SNX24: variants seen among roughly 807,000 people sequenced by gnomAD.
SNX24 encodes sorting nexin 24.
Under a neutral mutation model 28.7 loss-of-function variants are expected in SNX24, and 22 were observed. The ratio of observed to expected loss-of-function variants is 0.77; its 90% CI spans 0.55 to 1.10. The LOEUF (loss-of-function observed/expected upper bound fraction) is 1.10. SNX24 is among the 50% of genes least tolerant of loss of function. SNX24 has a pLI of 0.00. For synonymous variants in SNX24, 69 were observed against 71.5 expected, an observed-to-expected ratio of 0.96 and a Z score of 0.18; for missense variants, 221 against 201.1, an observed-to-expected ratio of 1.10 and a Z score of -0.60.
intron 3 of SNX24, among the ~76,000 whole-genome samples, chr5:122,967,353 G>A (rs534410963): frequency 6.6e-6 from 1 of 152,210 alleles, no homozygotes; most frequent in East Asian, 1.9e-4. Context: ...GTTTTCCTCA[G>A]TAGACAACGT....
intron 3 of SNX24, among the ~76,000 whole-genome samples, chr5:122,956,914 C>T (rs966453128): frequency 1.3e-5 from 2 of 151,652 alleles, no homozygotes; most frequent in African/African-American, 2.4e-5. Context: ...TAAGAGTTCT[C>T]TATATATTCT....
At chr5:122,873,693 T>A (rs948214872) in intron 1 of SNX24, among the ~76,000 whole-genome samples, 3 of 151,704 alleles carry the variant, frequency 2.0e-5, no homozygotes, top group South Asian at 4.2e-4. Context: ...GCCCTGGAGG[T>A]GCCATCACTT....
At chr5:122,922,754 C>A (rs1279294159) in intron 1 of SNX24, among the ~76,000 whole-genome samples, 1 of 152,106 alleles carries the variant, frequency 6.6e-6, no homozygotes, top group Admixed American at 6.5e-5. Context: ...CTTCCCCATG[C>A]CAGGTAATCG....
At chr5:122,992,286 A>G (rs1761887154) in intron 3 of SNX24, among the ~76,000 whole-genome samples, 1 of 152,162 alleles carries the variant, frequency 6.6e-6, no homozygotes, top group South Asian at 2.1e-4. Context: ...TTGTAGTCAA[A>G]ATACAAATCA....
At chr5:123,015,224 C>T (rs1444724816) in intron 5 of SNX24, among the ~76,000 whole-genome samples, 4 of 152,216 alleles carry the variant, frequency 2.6e-5, no homozygotes, top group Non-Finnish European at 4.4e-5. Flanking sequence ...GGGTGGATGG[C>T]AGCCTATGTT....
downstream of SNX24, among the ~76,000 whole-genome samples, chr5:123,010,014 G>A (rs1762540619): frequency 6.6e-6 from 1 of 152,160 alleles, no homozygotes; most frequent in South Asian, 2.1e-4. Context: ...ATATAATGGC[G>A]ATCTCTCTAT....
intron 5 of SNX24, among the ~76,000 whole-genome samples, chr5:123,014,824 C>G (rs1762653577): frequency 6.6e-6 from 1 of 152,188 alleles, no homozygotes; most frequent in South Asian, 2.1e-4. Context: ...CAACAGTGGC[C>G]TTTCAGTTCC....
At chr5:122,990,506 G>T (rs1761796115) in intron 3 of SNX24, among the ~76,000 whole-genome samples, 1 of 152,178 alleles carries the variant, frequency 6.6e-6, no homozygotes, top group South Asian at 2.1e-4. Flanking sequence ...TAAAGAAAGA[G>T]AATGCTGAAT....
chr5:122,946,020 T>TTTTTTTTC, intron 2 of SNX24, 35 bp from the exon 3 acceptor site: 1 of 1,222,956 alleles, frequency 8.2e-7, no homozygotes, highest in Non-Finnish European at 1.2e-6. Context: ...CTCTGTTTTT[T>TTTTTTTTC]TTTTTCTTTT....
At chr5:122,993,008 C>A (rs1209134780) in intron 3 of SNX24, among the ~76,000 whole-genome samples, 2 of 138,042 alleles carry the variant, frequency 1.4e-5, no homozygotes, top group Admixed American at 1.5e-4. Flanking sequence ...TATATTATTT[C>A]TTTGCACAGA....
intron 3 of SNX24, among the ~76,000 whole-genome samples, chr5:122,995,193 G>A (rs973031436): frequency 2.6e-5 from 4 of 152,036 alleles, no homozygotes; most frequent in Admixed American, 1.3e-4. Context: ...TATTGCACAC[G>A]CTTCAATTAG....
chr5:122,959,470 A>C (rs1760377904), intron 3 of SNX24, among the ~76,000 whole-genome samples: 1 of 151,754 alleles, frequency 6.6e-6, no homozygotes, highest in Admixed American at 6.6e-5. Flanking sequence ...CCTGGGCTCA[A>C]GCGATCTGCC....
At chr5:122,900,911 C>G (rs1757415286) in intron 1 of SNX24, among the ~76,000 whole-genome samples, 1 of 151,998 alleles carries the variant, frequency 6.6e-6, no homozygotes, top group African/African-American at 2.4e-5. Flanking sequence ...TCTTGAAAGG[C>G]AAAATATGGC....
intron 2 of SNX24, among the ~76,000 whole-genome samples, chr5:122,937,502 T>C (rs191866958): frequency 1.0e-3 from 153 of 152,344 alleles, no homozygotes; most frequent in Non-Finnish European, 1.7e-3. Context: ...TAATTTTTTC[T>C]AGATTATAAG....
At chr5:122,976,393 A>G (rs759982337) in intron 3 of SNX24, among the ~76,000 whole-genome samples, 2 of 151,894 alleles carry the variant, frequency 1.3e-5, no homozygotes, top group Non-Finnish European at 2.9e-5. Context: ...ATTTATTCTC[A>G]TAGCCACAAC....
chr5:123,023,794 T>G, intron 5 of SNX24: 1 of 1,276,088 alleles, frequency 7.8e-7, no homozygotes, highest in Non-Finnish European at 1.0e-6. Flanking sequence ...AGCAAATAAT[T>G]GAAAGACAAC....
Position 122,993,918 on chromosome 5 carries a change from G to A in SNX24, c.250-5994G>A, listed in dbSNP as rs571061183. 2.2e-4 allele frequency among the ~76,000 whole-genome samples: 33 copies of A among 152,300 alleles called. No individual in the cohort carries two copies. The South Asian group carries it at 6.2e-3, about 29-fold the overall frequency. ...CAGCCGGACATTTCAAACCAAACTA[G>A]ATGGAATGGAGAAAGAGCTTAAAGT... is the stretch of plus-strand genomic sequence containing the variant. On this transcript the variant is annotated intron_variant, in intron 3 of 6. Transcript: ENST00000261369.
chr5:122,909,762 A>C (rs1207314088), intron 1 of SNX24, among the ~76,000 whole-genome samples: 1 of 152,206 alleles, frequency 6.6e-6, no homozygotes, highest in African/African-American at 2.4e-5. Flanking sequence ...CATGGGGCAG[A>C]GACCGTGTCT....
intron 1 of SNX24, among the ~76,000 whole-genome samples, chr5:122,881,761 A>G (rs1414893457): frequency 1.3e-5 from 2 of 149,674 alleles, no homozygotes; most frequent in Admixed American, 1.3e-4. Context: ...ATATGTATAT[A>G]TAAAATTATG....
Sources: allele counts gnomAD v4.1 joint callset (sites outside exome capture counted in the v4.1 genomes callset), GRCh38; gene constraint gnomAD v4.1.1; transcripts MANE v1.5; gene names NCBI Gene and HGNC (gene_info 2026-07-23, HGNC 2026-07-21).